The following DNAH7 variants were observed in gnomAD, a reference collection of about 807,000 sequenced individuals.
DNAH7 encodes axonemal beta dynein heavy chain 7.
DNAH7 carries 397 observed loss-of-function variants against 444.6 expected under a neutral mutation model. The ratio of observed to expected loss-of-function variants is 0.89; its 90% confidence interval spans 0.82 to 0.97. The LOEUF is 0.97. DNAH7 is among the 50% of genes least tolerant of loss of function. The probability of loss-of-function intolerance (pLI) is 0.00; values close to 1 mark genes in which losing one functional copy is unlikely to be tolerated. For synonymous variants in DNAH7, 1,636 were observed against 1,624.4 expected (o/e 1.01, Z -0.17); for missense variants, 4,902 against 4,800.8 (o/e 1.02, Z -0.62).
chr2:195,758,066 C>T (rs1694170103), intron 61 of DNAH7, among the ~76,000 whole-genome samples: 1 of 152,174 alleles, frequency 6.6e-6, no homozygotes, highest in South Asian at 2.1e-4. Flanking sequence ...CCTTTTAGTT[C>T]CCAGAATACT....
At chr2:195,769,154 TA>T (rs1336213014) in intron 61 of DNAH7, among the ~76,000 whole-genome samples, 1 of 152,180 alleles carries the variant, frequency 6.6e-6, no homozygotes, top group East Asian at 1.9e-4. Flanking sequence ...AAGGACATTA[TA>T]AGTAGTTCAT....
At chr2:195,961,756 C>T (rs554189530) in intron 17 of DNAH7, among the ~76,000 whole-genome samples, 4 of 152,048 alleles carry the variant, frequency 2.6e-5, no homozygotes, top group African/African-American at 4.8e-5. Context: ...TTAACAAGAA[C>T]TTAAATATTT....
chr2:195,886,297 C>T, intron 33 of DNAH7, 25 bp from the exon 34 acceptor site: 1 of 1,600,340 alleles, frequency 6.2e-7, no homozygotes, highest in Non-Finnish European at 8.5e-7. Flanking sequence ...AGAAAAATGA[C>T]TAAACAATTT....
Position 195,936,654 on chromosome 2 carries a change from A to T in DNAH7, c.3217T>A (p.Phe1073Ile). ...KKRLFFPRFFFLSNDELLEIL... is the reference protein window; with the variant it reads ...KKRLFFPRFFILSNDELLEIL... ...TCAAGAAGTTCATCATTGGACAAAAAAAAGAATCTGGGGAAAAAGAGGCGT... is the reference window on the plus strand; with the variant it reads ...TCAAGAAGTTCATCATTGGACAAAATAAAGAATCTGGGGAAAAAGAGGCGT... The change falls in exon 20 of 65, where the codon TTT becomes ATT. Residue 1073 changes from phenylalanine (F) to isoleucine (I), a missense_variant. By Grantham distance (21) the Phe-to-Ile change is conservative. Transcript: ENST00000312428. 1 of 1,606,492 alleles carries T rather than the reference A, an allele frequency of 6.2e-7. No homozygotes were observed. The highest frequency in any genetic ancestry group is 8.5e-7 in the Non-Finnish European group (1 of 1,177,656).
intron 19 of DNAH7, among the ~76,000 whole-genome samples, chr2:195,956,542 T>C (rs1344396512): frequency 6.6e-6 from 1 of 152,022 alleles, no homozygotes; most frequent in Non-Finnish European, 1.5e-5. Flanking sequence ...TCTCAGTTAC[T>C]TGGGAGGCTG....
At chr2:195,962,648 C>A (rs1275935576) in intron 17 of DNAH7, among the ~76,000 whole-genome samples, 1 of 152,122 alleles carries the variant, frequency 6.6e-6, no homozygotes, top group East Asian at 1.9e-4. Flanking sequence ...CTGTGCCTGG[C>A]CCTGTTTTAG....
chr2:195,976,550 T>C (rs974770649), intron 15 of DNAH7, among the ~76,000 whole-genome samples: 7 of 152,106 alleles, frequency 4.6e-5, no homozygotes, highest in African/African-American at 1.7e-4. Context: ...ATCTGCCAAT[T>C]GTAGAGCCCT....
chr2:195,785,415 C>A (rs564141617), intron 58 of DNAH7, among the ~76,000 whole-genome samples: 69 of 151,730 alleles, frequency 4.5e-4, no homozygotes, highest in Non-Finnish European at 9.6e-4. Flanking sequence ...TTAGCTAGGA[C>A]TTCTAGTACA....
chr2:195,911,981 G>A (rs1450232149), intron 24 of DNAH7, among the ~76,000 whole-genome samples: 2 of 152,088 alleles, frequency 1.3e-5, no homozygotes, highest in African/African-American at 4.8e-5. Context: ...CTATTTAATA[G>A]GGTTCTTTCT....
intron 8 of DNAH7, among the ~76,000 whole-genome samples, chr2:196,023,831 A>G (rs1695523854): frequency 6.6e-6 from 1 of 152,162 alleles, no homozygotes; most frequent in Admixed American, 6.6e-5. Flanking sequence ...TTAAAGTGAG[A>G]AATGTGCAAC....
chr2:196,036,529 C>T (rs1190978814), intron 5 of DNAH7, among the ~76,000 whole-genome samples: 1 of 152,128 alleles, frequency 6.6e-6, no homozygotes, highest in East Asian at 1.9e-4. Flanking sequence ...GTGTGTACTC[C>T]CCAGAGCCTA....
At chr2:195,765,406 T>C (rs370462024) in intron 61 of DNAH7, among the ~76,000 whole-genome samples, 6 of 151,966 alleles carry the variant, frequency 3.9e-5, no homozygotes, top group African/African-American at 1.2e-4. Context: ...AGCTTGTCCA[T>C]AGCAAAAGAA....
Position 195,787,012 on chromosome 2 carries a change from C to T in DNAH7, c.10876G>A (p.Glu3626Lys). ...CCTTGCTGTGATTTTTATGATACCT[C>T]ATACTGGTTCAGGAACATGTGGAGC... Reference protein sequence around the residue: ...QQLHMFLNQYEELPYEALRYM... With the variant: ...QQLHMFLNQYKELPYEALRYM... The change falls in exon 58 of 65, where the codon GAG becomes AAG. Residue 3626 changes from glutamate to lysine, a missense_variant and splice_region_variant. Coordinates refer to ENST00000312428, the MANE Select transcript of DNAH7 (RefSeq NM_018897.3). 6.3e-7 allele frequency: 1 copy of T among 1,579,356 alleles called. No individual in the cohort carries two copies. Among genetic ancestry groups the T allele is most frequent in the Non-Finnish European group, 8.6e-7 (1 of 1,167,538 alleles).
At chr2:195,997,741 T>C (rs1457819691) in intron 12 of DNAH7, among the ~76,000 whole-genome samples, 1 of 152,196 alleles carries the variant, frequency 6.6e-6, no homozygotes, top group Non-Finnish European at 1.5e-5. Context: ...GAAACAGCTA[T>C]ATAAATTCCA....
intron 1 of DNAH7, among the ~76,000 whole-genome samples, chr2:196,063,150 G>A (rs1698228551): frequency 1.3e-5 from 2 of 152,258 alleles, no homozygotes; most frequent in East Asian, 1.9e-4. Context: ...CCAAAGTGCT[G>A]GGATTACAGG....
intron 9 of DNAH7, among the ~76,000 whole-genome samples, chr2:196,018,916 A>G (rs1036590340): frequency 5.9e-5 from 9 of 152,258 alleles, no homozygotes; most frequent in Admixed American, 1.3e-4. Flanking sequence ...CTCTACCAAA[A>G]TATCTCATGT....
intron 57 of DNAH7, among the ~76,000 whole-genome samples, chr2:195,792,120 T>C (rs1277563168): frequency 6.9e-6 from 1 of 145,126 alleles, no homozygotes; most frequent in Non-Finnish European, 1.5e-5. Flanking sequence ...TGAGCTGTGA[T>C]TGAGCCACTG....
intron 39 of DNAH7, among the ~76,000 whole-genome samples, chr2:195,872,989 G>C (rs1700810559): frequency 6.6e-6 from 1 of 152,314 alleles, no homozygotes; most frequent in Middle Eastern, 3.4e-3. Context: ...AGAGTATAAA[G>C]AATGTAGAGA....
chr2:195,997,761 T>A (rs184791595), intron 12 of DNAH7, among the ~76,000 whole-genome samples: 1 of 152,184 alleles, frequency 6.6e-6, no homozygotes, highest in Non-Finnish European at 1.5e-5. Flanking sequence ...ATTTCTGCAA[T>A]TGTTGTCAAA....
Sources: allele counts gnomAD v4.1 joint callset (sites outside exome capture counted in the v4.1 genomes callset), GRCh38; gene constraint gnomAD v4.1.1; transcripts MANE v1.5; gene names NCBI Gene and HGNC (gene_info 2026-07-23, HGNC 2026-07-21).